The following HNRNPA3 variants were observed in gnomAD, a reference collection of about 807,000 sequenced individuals.
HNRNPA3 encodes heterogeneous nuclear ribonucleoprotein A3.
In HNRNPA3, 3 loss-of-function variants were observed where a neutral mutation model predicts 45.8. That is an observed-to-expected ratio of 0.07 (90% CI 0.03 to 0.17). HNRNPA3 has a LOEUF of 0.17. Among genes scored for constraint, HNRNPA3 ranks in the 10% least tolerant of loss-of-function variants. The probability of loss-of-function intolerance (pLI) is 1.00; values close to 1 mark genes in which losing one functional copy is unlikely to be tolerated. For missense variants in HNRNPA3, 183 were observed against 480.3 expected (o/e 0.38, Z 5.79); for synonymous variants, 170 against 155.6 (o/e 1.09, Z -0.69).
chr2:177,212,929 G>C, intron 1 of HNRNPA3, 58 bp downstream of exon 1: 1 of 1,159,498 alleles, frequency 8.6e-7, no homozygotes, highest in Non-Finnish European at 1.2e-6. Flanking sequence ...GGCCTGGTTC[G>C]GTGGGAGCGG....
intron 8 of HNRNPA3, 133 bp from the exon 9 acceptor site, chr2:177,218,904 C>G: frequency 9.5e-7 from 1 of 1,050,564 alleles, no homozygotes; most frequent in South Asian, 1.7e-5. Context: ...ACATCAGTTA[C>G]CCCAAGTGGT....
exon 11 of HNRNPA3, chr2:177,219,864 A>G (rs1024249043): frequency 1.3e-5 from 2 of 152,070 alleles, no homozygotes; most frequent in Non-Finnish European, 3.0e-5. Context: ...TGAGTTAACA[A>G]GTAAAGAAGA....
chr2:177,213,683 C>G (rs1385558509), intron 1 of HNRNPA3, among the ~76,000 whole-genome samples: 1 of 152,132 alleles, frequency 6.6e-6, no homozygotes, highest in East Asian at 1.9e-4. Context: ...CCAGCTCCTT[C>G]CCGGCTCCGG....
chr2:177,218,661 A>G (rs1259508060), intron 8 of HNRNPA3, among the ~76,000 whole-genome samples: 2 of 152,336 alleles, frequency 1.3e-5, no homozygotes, highest in African/African-American at 4.8e-5. Context: ...CAATACTGTT[A>G]AAAGCTTTCT....
At chr2:177,223,699 A>G (rs1266224605), downstream of HNRNPA3, 2 of 152,250 alleles carry the variant, frequency 1.3e-5, no homozygotes, top group African/African-American at 4.8e-5. Flanking sequence ...AAGGATTGTT[A>G]GCCTATCTAA....
chr2:177,220,913 T>TAA (rs772032137), downstream of HNRNPA3: 2 of 152,636 alleles, frequency 1.3e-5, no homozygotes, highest in African/African-American at 4.8e-5. Flanking sequence ...GCCCTGCTGT[T>TAA]ACTCTCTTTG....
intron 1 of HNRNPA3, among the ~76,000 whole-genome samples, chr2:177,214,707 ATG>A (rs764243905): frequency 5.3e-5 from 8 of 152,218 alleles, no homozygotes; most frequent in Non-Finnish European, 1.0e-4. Flanking sequence ...AGGCAGGAAA[ATG>A]GCGTGAACCC....
chr2:177,215,464 G>A (rs541531616), intron 1 of HNRNPA3, 75 bp from the exon 2 acceptor site: 4 of 1,413,410 alleles, frequency 2.8e-6, no homozygotes, highest in African/African-American at 2.8e-5. Flanking sequence ...ATTACTTACC[G>A]TACATTAAAG....
downstream of HNRNPA3, chr2:177,222,978 AT>A (rs1284687973): frequency 6.6e-6 from 1 of 152,554 alleles, no homozygotes; most frequent in Admixed American, 6.6e-5. Context: ...AGAACACTGA[AT>A]TACCGTTCAA....
rs760988146 is a variant in HNRNPA3, at chr2:177,216,985, T to C, written c.820+45T>C. ...TGATGTTTGATATTTTAACTTTCTT[T>C]ACTTATTGAAAATTATTTATTACAC... On this transcript the variant is annotated intron_variant, in intron 7 of 10. Transcript: ENST00000392524. 4.2e-6 allele frequency: 6 copies of C among 1,425,072 alleles called. No homozygotes were observed. In the East Asian group the frequency reaches 1.3e-4, roughly 30 times the overall value. 88.3% of individuals were successfully genotyped at this position (1,425,072 alleles called of 1,614,324 possible). A position where few individuals can be genotyped will look rare whatever the true frequency, so the allele number is the denominator to read the frequency against.
At chr2:177,218,009 G>A (rs1039189118) in intron 8 of HNRNPA3, among the ~76,000 whole-genome samples, 164 bp downstream of exon 8, 1 of 149,710 alleles carries the variant, frequency 6.7e-6, no homozygotes, top group Non-Finnish European at 1.5e-5. Context: ...TGACTTTGCT[G>A]GTTATTTAGT....
chr2:177,219,042 TATG>T (rs1366293619), exon 9 of HNRNPA3: 5 of 1,613,530 alleles, frequency 3.1e-6, no homozygotes, highest in East Asian at 4.5e-5. Flanking sequence ...TTCAGGTAAC[TATG>T]GTGGTGGTGG....
chr2:177,213,289 C>T (rs1688768623), intron 1 of HNRNPA3, among the ~76,000 whole-genome samples: 1 of 152,198 alleles, frequency 6.6e-6, no homozygotes, highest in African/African-American at 2.4e-5. Flanking sequence ...CGCCGCGTTA[C>T]GAAATGGCGC....
intron 8 of HNRNPA3, among the ~76,000 whole-genome samples, chr2:177,218,287 C>T (rs1448778988): frequency 6.6e-6 from 1 of 152,116 alleles, no homozygotes. Context: ...TGGTCTCGAT[C>T]TCCTGACCTT....
chr2:177,218,290 C>G (rs921724291), intron 8 of HNRNPA3, among the ~76,000 whole-genome samples: 4 of 152,100 alleles, frequency 2.6e-5, no homozygotes, highest in African/African-American at 9.7e-5. Flanking sequence ...TCTCGATCTC[C>G]TGACCTTGTG....
intron 7 of HNRNPA3, 66 bp from the exon 8 acceptor site, chr2:177,217,639 C>T: frequency 1.3e-6 from 2 of 1,590,444 alleles, no homozygotes; most frequent in Non-Finnish European, 1.7e-6. Context: ...ACACACACAC[C>T]AGAATTGAAT....
chr2:177,214,372 T>C (rs532161945), intron 1 of HNRNPA3, among the ~76,000 whole-genome samples: 6 of 152,364 alleles, frequency 3.9e-5, no homozygotes, highest in East Asian at 3.9e-4. Flanking sequence ...CTTTTTTTTT[T>C]CCTCAGTTTT....
At chr2:177,222,579 A>C (rs565565584), downstream of HNRNPA3, 1 of 152,492 alleles carries the variant, frequency 6.6e-6, no homozygotes, top group African/African-American at 2.4e-5. Context: ...AGGCTGAGGC[A>C]GATGGATCCC....
chr2:177,213,321 C>T (rs867026385), intron 1 of HNRNPA3, among the ~76,000 whole-genome samples: 18 of 152,350 alleles, frequency 1.2e-4, no homozygotes, highest in Middle Eastern at 3.4e-3. Context: ...ATGGCCGCCG[C>T]CTCGCTCTGC....
Sources: gnomAD v4.1 joint callset for allele counts (sites outside exome capture counted in the v4.1 genomes callset) on GRCh38, gnomAD v4.1.1 for gene constraint, MANE v1.5 for transcripts, NCBI Gene and HGNC (gene_info 2026-07-23, HGNC 2026-07-21) for gene names.